TMEM8B: variants seen among roughly 807,000 people sequenced by gnomAD.
TMEM8B encodes transmembrane protein 8B.
In TMEM8B, 29 loss-of-function variants were observed where a neutral mutation model predicts 49.3. The observed-to-expected ratio is 0.59, with a 90% CI of 0.44 to 0.80. The LOEUF (loss-of-function observed/expected upper bound fraction) is 0.80, where lower values mean the gene tolerates loss of function less well. Among genes scored for constraint, TMEM8B ranks in the 30% least tolerant of loss-of-function variants. The probability of loss-of-function intolerance (pLI) is 0.00; values close to 1 mark genes in which losing one functional copy is unlikely to be tolerated. For missense variants in TMEM8B, 575 were observed against 658.5 expected (o/e 0.87, Z 1.39); for synonymous variants, 264 against 272.8 (o/e 0.97, Z 0.32).
At position 35,854,152 on chromosome 9, in the gene TMEM8B, A is replaced by T. The variant is rs1243383264; in HGVS notation, c.*312A>T. ...CTGGGATGCAGAGCCTTCCCAAGAC[A>T]TGGATTCCTTCCCAGGGAGACAAAG... On this transcript the variant is annotated 3_prime_UTR_variant, in exon 13 of 13. Coordinates refer to ENST00000643932, the MANE Select transcript of TMEM8B (RefSeq NM_001042590.4). 9 of 526,408 alleles carry T rather than the reference A, an allele frequency of 1.7e-5. No individual in the cohort carries two copies. The highest frequency in any genetic ancestry group is 2.4e-5 in the Non-Finnish European group (9 of 369,350). 32.6% of individuals were successfully genotyped at this position (526,408 alleles called of 1,614,324 possible).
intron 10 of TMEM8B, among the ~76,000 whole-genome samples, chr9:35,848,012 G>A (rs1347834704): frequency 6.6e-6 from 1 of 152,222 alleles, no homozygotes. Flanking sequence ...CTCAGGCCTT[G>A]TCAGCAAGGA....
rs1013609645 is a variant in TMEM8B at position 35,842,912 on chromosome 9, C to T, written c.1635+195C>T. 7.9e-5 allele frequency among the ~76,000 whole-genome samples: 12 copies of T among 152,206 alleles called. No individual in the cohort carries two copies. Among genetic ancestry groups the T allele is most frequent in the Non-Finnish European group, 1.3e-4 (9 of 68,036 alleles). Reference sequence around the variant, plus strand: ...GAGTATTCACTCTGCTACAGATGGGCGGGTCAACCAGGTCAACTCAGTGTC... The same window carrying T: ...GAGTATTCACTCTGCTACAGATGGGTGGGTCAACCAGGTCAACTCAGTGTC... On this transcript the variant is annotated intron_variant, in intron 6 of 12. Transcript: ENST00000643932. This position sits in a 1 kb window ranked among gnomAD's most constrained non-coding sequence, Gnocchi z 5.6.
At chr9:35,831,802 A>G (rs1001150110) in intron 1 of TMEM8B, among the ~76,000 whole-genome samples, 3 of 152,244 alleles carry the variant, frequency 2.0e-5, no homozygotes, top group East Asian at 1.9e-4. Flanking sequence ...AAGAGTACCA[A>G]TACACCCAAA....
chr9:35,834,415 T>G, intron 1 of TMEM8B, 46 bp from the exon 2 acceptor site: 1 of 410,888 alleles, frequency 2.4e-6, no homozygotes, highest in Non-Finnish European at 4.4e-6. Flanking sequence ...TTAATGGAAA[T>G]GCCCTCTGTC....
At chr9:35,840,771 G>C (rs1236636448) in intron 3 of TMEM8B, among the ~76,000 whole-genome samples, 1 of 152,160 alleles carries the variant, frequency 6.6e-6, no homozygotes, top group Admixed American at 6.5e-5. Context: ...AGCCTGCTCA[G>C]GGAATGGGCT....
At chr9:35,831,835 G>C (rs1209933003) in intron 1 of TMEM8B, among the ~76,000 whole-genome samples, 1 of 152,254 alleles carries the variant, frequency 6.6e-6, no homozygotes, top group Non-Finnish European at 1.5e-5. Context: ...TGCCTTTAGT[G>C]CTGTTAATAA....
chr9:35,846,513 C>G lies in TMEM8B; in HGVS notation c.1898C>G (p.Thr633Ser), dbSNP rs1042165311. Residue 633 changes from threonine to serine, a missense_variant, in exon 9 of 13, where the codon ACC becomes AGC. Transcript: ENST00000643932. The part of the protein sequence containing the change: ...RNATAEVRMR[T>S]FLSPCVDDCG... Reference sequence around the variant, plus strand: ...GCGACGGCCGAGGTGCGGATGCGCACCTTCCTGTCCCCATGCGTGGACGAC... The same window carrying G: ...GCGACGGCCGAGGTGCGGATGCGCAGCTTCCTGTCCCCATGCGTGGACGAC... 3 of 1,592,760 alleles carry G rather than the reference C, an allele frequency of 1.9e-6. No individual in the cohort carries two copies. The African/African-American group carries it at 4.0e-5, about 21-fold the overall frequency.
Position 35,847,002 on chromosome 9 carries a change from G to C in TMEM8B, c.2175+7G>C, listed in dbSNP as rs777381951. 1 of 1,614,176 alleles carries C rather than the reference G, an allele frequency of 6.2e-7. No homozygotes were observed. The highest frequency in any genetic ancestry group is 2.2e-5 in the East Asian group (1 of 44,878). On this transcript the variant is annotated splice_region_variant and intron_variant, in intron 10 of 12. Transcript: ENST00000643932. Reference sequence around the variant, plus strand: ...CACCATGTTCTTCTCCACGGTATGCGGTGGTGTCTGCATCTTATCACTGGG... The same window carrying C: ...CACCATGTTCTTCTCCACGGTATGCCGTGGTGTCTGCATCTTATCACTGGG...
In TMEM8B at chr9:35,855,785, G is replaced by A. The variant is rs1332798132; in HGVS notation, c.*1945G>A. ...CCAAAAGCCAGGAAAACATGCCTTT[G>A]TTATCTGCTTTCTGCAATCACGTCT... On this transcript the variant is annotated 3_prime_UTR_variant, in exon 13 of 13. Transcript: ENST00000643932. The A allele has an allele frequency of 2.6e-5, 4 of 152,256 alleles. No individual in the cohort carries two copies. The highest frequency in any genetic ancestry group is 9.7e-5 in the African/African-American group (4 of 41,446). 9.4% of individuals were successfully genotyped at this position (152,256 alleles called of 1,614,324 possible).
Position 35,829,797 on chromosome 9 carries a change from A to G in TMEM8B, c.350A>G (p.Gln117Arg). The change falls in exon 1 of 13, where the codon CAG becomes CGG. Residue 117 changes from glutamine to arginine, a missense_variant. Physicochemically the swap from Gln to Arg is conservative, Grantham distance 43. Coordinates refer to ENST00000643932, the MANE Select transcript of TMEM8B (RefSeq NM_001042590.4). ...QCPAQPNPLS[Q>R]PLPSSLCLPK... Reference sequence around the variant, plus strand: ...CCAGCCCAGCCCAACCCATTATCTCAGCCTTTGCCCTCATCTCTGTGTTTA... The same window carrying G: ...CCAGCCCAGCCCAACCCATTATCTCGGCCTTTGCCCTCATCTCTGTGTTTA... 1 of 416,430 alleles carries G rather than the reference A, an allele frequency of 2.4e-6. No homozygotes were observed. Among genetic ancestry groups the G allele is most frequent in the Non-Finnish European group, 4.4e-6 (1 of 227,056 alleles). The allele number at this position is 416,430 out of a possible 1,614,324, so 25.8% of individuals were successfully genotyped here. A position where few individuals can be genotyped will look rare whatever the true frequency, so the allele number is the denominator to read the frequency against.
At chr9:35,837,468 A>G (rs138179084) in intron 3 of TMEM8B, among the ~76,000 whole-genome samples, 2 of 152,096 alleles carry the variant, frequency 1.3e-5, no homozygotes, top group Non-Finnish European at 2.9e-5. Context: ...GCATGGCCCA[A>G]AGTTTAGAAG....
In TMEM8B at chr9:35,861,969, G is replaced by T. The variant is rs1363956364; in HGVS notation, c.*8129G>T. 1.3e-5 allele frequency: 2 copies of T among 152,172 alleles called. No individual in the cohort carries two copies. Among genetic ancestry groups the T allele is most frequent in the Non-Finnish European group, 2.9e-5 (2 of 68,026 alleles). The allele number at this position is 152,172 out of a possible 1,614,324, so 9.4% of individuals were successfully genotyped here. A position where few individuals can be genotyped will look rare whatever the true frequency, so the allele number is the denominator to read the frequency against. Reference sequence around the variant, plus strand: ...AAAGGACAGTTTCAGGAACATATAGGGGCACTTGGGTAATCTTGGTCAGTA... The same window carrying T: ...AAAGGACAGTTTCAGGAACATATAGTGGCACTTGGGTAATCTTGGTCAGTA... On this transcript the variant is annotated 3_prime_UTR_variant, in exon 13 of 13. Coordinates refer to ENST00000643932, the MANE Select transcript of TMEM8B (RefSeq NM_001042590.4).
chr9:35,831,045 G>T (rs565628142), intron 1 of TMEM8B, among the ~76,000 whole-genome samples: 2 of 152,294 alleles, frequency 1.3e-5, no homozygotes, highest in East Asian at 3.9e-4. Flanking sequence ...CAGAACAGCT[G>T]GGGGGTGGAG....
intron 1 of TMEM8B, chr9:35,833,242 C>T: frequency 1.1e-6 from 1 of 886,652 alleles, no homozygotes; most frequent in Non-Finnish European, 1.4e-6. Context: ...AGGGTATTTC[C>T]TGCTTGGCTG....
At position 35,863,794 on chromosome 9, in the gene TMEM8B, A is replaced by C. The variant is rs1270975826; in HGVS notation, c.*9954A>C. The C allele has an allele frequency of 6.6e-6, 1 of 152,258 alleles. No homozygotes were observed. The highest frequency in any genetic ancestry group is 1.5e-5 in the Non-Finnish European group (1 of 68,090). 9.4% of individuals were successfully genotyped at this position (152,258 alleles called of 1,614,324 possible). On this transcript the variant is annotated 3_prime_UTR_variant, in exon 13 of 13. Coordinates refer to ENST00000643932, the MANE Select transcript of TMEM8B (RefSeq NM_001042590.4). ...CATTTGTCATATCTGCACACAGCCCACTGGCCCTGCGGCATCCTACCACCT... is the reference window on the plus strand; with the variant it reads ...CATTTGTCATATCTGCACACAGCCCCCTGGCCCTGCGGCATCCTACCACCT...
Position 35,853,895 on chromosome 9 carries a change from TG to T in TMEM8B, c.*60del. ...TATGAATGCTTCCTAGAGTTCTTTC[TG>T]GGGGTGTGGAGCCCTCTTAGAAGGA... On this transcript the variant is annotated 3_prime_UTR_variant, in exon 13 of 13. Coordinates refer to ENST00000643932, the MANE Select transcript of TMEM8B (RefSeq NM_001042590.4). This position sits in a 1 kb window ranked among gnomAD's most constrained non-coding sequence, Gnocchi z 4.2. The T allele has an allele frequency of 6.7e-7, 1 of 1,490,208 alleles. No individual in the cohort carries two copies. The highest frequency in any genetic ancestry group is 1.4e-5 in the South Asian group (1 of 72,466). The allele number at this position is 1,490,208 out of a possible 1,614,324, so 92.3% of individuals were successfully genotyped here. A position where few individuals can be genotyped will look rare whatever the true frequency, so the allele number is the denominator to read the frequency against.
In TMEM8B at chr9:35,842,408, C is replaced by T. The variant is rs374314288; in HGVS notation, c.1326C>T (p.Gly442=). The change falls in exon 6 of 13, where the codon GGC becomes GGT. Residue 442 remains glycine (G), a synonymous_variant. Transcript: ENST00000643932. This position sits in a 1 kb window ranked among gnomAD's most constrained non-coding sequence, Gnocchi z 5.6. ...CVRLQECPQP[G]LLRALVPGAA... ...GCCCCACAGAGTGCCCACAGCCCGG[C>T]CTGCTCCGAGCCCTGGTCCCTGGAG... 49 of 1,533,960 alleles carry T rather than the reference C, an allele frequency of 3.2e-5. No individual in the cohort carries two copies. Among genetic ancestry groups the T allele is most frequent in the Non-Finnish European group, 4.1e-5 (47 of 1,138,982 alleles).
chr9:35,846,254 T>G lies in TMEM8B; in HGVS notation c.1730-4T>G. ...TCTCACTGACTCCTTCCTTCTCCCT[T>G]CAGAGTCCCTGGCCGGCTTCCTCCT... is the stretch of plus-strand genomic sequence containing the variant. On this transcript the variant is annotated splice_region_variant and splice_polypyrimidine_tract_variant and intron_variant, in intron 7 of 12. Transcript: ENST00000643932. The G allele has an allele frequency of 1.2e-6, 2 of 1,614,176 alleles. No homozygotes were observed. Among genetic ancestry groups the G allele is most frequent in the East Asian group, 2.2e-5 (1 of 44,888 alleles).
At chr9:35,848,207 A>G (rs896263239) in intron 10 of TMEM8B, among the ~76,000 whole-genome samples, 1 of 152,228 alleles carries the variant, frequency 6.6e-6, no homozygotes, top group Non-Finnish European at 1.5e-5. Flanking sequence ...ACCATGCTGC[A>G]GAGAGAGATC....
Sources: gnomAD v4.1 joint callset for allele counts (sites outside exome capture counted in the v4.1 genomes callset) on GRCh38, gnomAD v4.1.1 for gene constraint, Gnocchi (gnomAD v3.1) non-coding constraint, MANE v1.5 for transcripts, NCBI Gene and HGNC (gene_info 2026-07-23, HGNC 2026-07-21) for gene names.